CD8B2: variants seen among roughly 807,000 people sequenced by gnomAD.
The protein encoded by CD8B2 is T-cell surface glycoprotein CD8 beta-2 chain.
In CD8B2, 11 loss-of-function variants were observed where a neutral mutation model predicts 23.7. The observed-to-expected ratio is 0.46, with a 90% CI of 0.29 to 0.77. The LOEUF is 0.77. CD8B2 is among the 30% of genes least tolerant of loss of function. CD8B2 has a pLI of 0.09. For missense variants in CD8B2, 197 were observed against 270.5 expected (o/e 0.73, Z 1.91); for synonymous variants, 90 against 109.3 (o/e 0.82, Z 1.10).
intron 5 of CD8B2, among the ~76,000 whole-genome samples, chr2:106,525,852 AGATAT>A (rs1428745832): frequency 3.3e-5 from 5 of 152,254 alleles, no homozygotes; most frequent in African/African-American, 1.2e-4. Flanking sequence ...CAGGGAGATA[AGATAT>A]AAGAGTCCGC....
At chr2:106,543,218 G>A (rs1369011885) in intron 5 of CD8B2, 1 of 152,178 alleles carries the variant, frequency 6.6e-6, no homozygotes, top group East Asian at 1.9e-4. Context: ...GTGAGGCTTA[G>A]GTATTTTCAA....
At chr2:106,521,762 T>A (rs1182408704) in intron 5 of CD8B2, 1 of 152,226 alleles carries the variant, frequency 6.6e-6, no homozygotes, top group Non-Finnish European at 1.5e-5. Flanking sequence ...ACCCTCCCCA[T>A]GATGGGAATG....
chr2:106,506,186 C>T (rs1179634433), intron 5 of CD8B2, among the ~76,000 whole-genome samples: 2 of 151,974 alleles, frequency 1.3e-5, no homozygotes, highest in Non-Finnish European at 2.9e-5. Flanking sequence ...GATGACCTTT[C>T]ATGGAAAGTA....
At chr2:106,519,401 T>C (rs1679784006) in intron 5 of CD8B2, among the ~76,000 whole-genome samples, 1 of 152,218 alleles carries the variant, frequency 6.6e-6, no homozygotes, top group African/African-American at 2.4e-5. Context: ...TCTCAAACAT[T>C]GGCCAGTTAT....
At chr2:106,489,200 A>G (rs1679142750) in intron 1 of CD8B2, among the ~76,000 whole-genome samples, 1 of 149,686 alleles carries the variant, frequency 6.7e-6, no homozygotes, top group African/African-American at 2.5e-5. Flanking sequence ...ACAGGGTCTC[A>G]CTATGTTGCC....
chr2:106,508,375 G>A lies in CD8B2; in HGVS notation c.*1435G>A, dbSNP rs1259961062. Reference sequence around the variant, plus strand: ...GAAAGGAAAGACGACTCTGGGGAAGGGGCAGTGGGACCTTCTCCTGGCATC... The same window carrying A: ...GAAAGGAAAGACGACTCTGGGGAAGAGGCAGTGGGACCTTCTCCTGGCATC... On this transcript the variant is annotated 3_prime_UTR_variant, in exon 6 of 6. Transcript: ENST00000643224. The A allele has an allele frequency of 2.0e-5, 3 of 151,786 alleles. No homozygotes were observed. In the East Asian group the frequency reaches 5.8e-4, roughly 29 times the overall value. 9.4% of individuals were successfully genotyped at this position (151,786 alleles called of 1,614,324 possible). A position where few individuals can be genotyped will look rare whatever the true frequency, so the allele number is the denominator to read the frequency against.
At chr2:106,543,050 T>C (rs990733339) in intron 5 of CD8B2, 8 of 152,160 alleles carry the variant, frequency 5.3e-5, no homozygotes. Flanking sequence ...TTAGTCATGA[T>C]TGCCACTCGT....
At chr2:106,522,876 G>A (rs372106137) in intron 5 of CD8B2, among the ~76,000 whole-genome samples, 15 of 152,242 alleles carry the variant, frequency 9.9e-5, no homozygotes, top group East Asian at 1.9e-4. Flanking sequence ...CAATCATTCC[G>A]TCAGGGGCTC....
At chr2:106,519,062 T>TCATCCATC (rs142808385) in intron 5 of CD8B2, among the ~76,000 whole-genome samples, 94 of 152,010 alleles carry the variant, frequency 6.2e-4, no homozygotes, top group African/African-American at 2.1e-3. Context: ...CACTGCTCCA[T>TCATCCATC]CATCCATCCA....
chr2:106,488,481 T>G (rs1441834276), intron 1 of CD8B2, among the ~76,000 whole-genome samples: 2 of 151,908 alleles, frequency 1.3e-5, no homozygotes, highest in Non-Finnish European at 2.9e-5. Flanking sequence ...GGAGAGGAAA[T>G]GCACACTCAC....
intron 5 of CD8B2, among the ~76,000 whole-genome samples, chr2:106,522,890 G>A (rs992919339): frequency 2.0e-5 from 3 of 152,164 alleles, no homozygotes; most frequent in Admixed American, 6.5e-5. Flanking sequence ...GGGGCTCAGA[G>A]AATGTGCTCC....
At chr2:106,489,916 G>A (rs1172815924) in intron 1 of CD8B2, among the ~76,000 whole-genome samples, 3 of 152,124 alleles carry the variant, frequency 2.0e-5, no homozygotes, top group African/African-American at 4.8e-5. Context: ...GTTCTGGGCC[G>A]GGTCTGTGAG....
chr2:106,535,993 G>C (rs1164999668), intron 5 of CD8B2, among the ~76,000 whole-genome samples: 2 of 151,418 alleles, frequency 1.3e-5, no homozygotes, highest in East Asian at 3.9e-4. Context: ...TACATGGCCA[G>C]AGTAGCAAGA....
intron 5 of CD8B2, among the ~76,000 whole-genome samples, chr2:106,506,464 G>C (rs1008449194): frequency 2.0e-5 from 3 of 152,004 alleles, no homozygotes; most frequent in African/African-American, 7.3e-5. Context: ...GAACAAAAGG[G>C]TTTGTGGCTT....
At chr2:106,501,682 AAAAC>A (rs1044585114) in intron 3 of CD8B2, among the ~76,000 whole-genome samples, 3 of 152,180 alleles carry the variant, frequency 2.0e-5, no homozygotes, top group Non-Finnish European at 2.9e-5. Flanking sequence ...ACTCTGTATC[AAAAC>A]AAACAAACAA....
rs527569810 is a variant in CD8B2, at chr2:106,494,435, A to G, written c.404-1738A>G. ...AGTGCTGGGATTACAGGCGTGAGTC[A>G]CCGCGCCCAGCCTTAATATTTCTTT... On this transcript the variant is annotated intron_variant, in intron 2 of 5. Coordinates refer to ENST00000643224, the MANE Select transcript of CD8B2 (RefSeq NM_001349727.2). Among the ~76,000 whole-genome samples the G allele has an allele frequency of 4.0e-5, 6 of 150,680 alleles. No homozygotes were observed. The South Asian group carries it at 1.3e-3, about 32-fold the overall frequency.
chr2:106,518,147 G>T lies in CD8B2; in HGVS notation c.620+13822G>T, dbSNP rs1000649835. Among the ~76,000 whole-genome samples, 11 of 152,128 alleles carry T rather than the reference G, an allele frequency of 7.2e-5. No homozygotes were observed. The South Asian group carries it at 1.9e-3, about 26-fold the overall frequency. Reference sequence around the variant, plus strand: ...CTAGCATGGTGTCTTGTATGCAGTGGGTAGGTAGTAAACATTTATTTGAGC... The same window carrying T: ...CTAGCATGGTGTCTTGTATGCAGTGTGTAGGTAGTAAACATTTATTTGAGC... On this transcript the variant is annotated intron_variant, in intron 5 of 5. Coordinates refer to the CD8B2 transcript ENST00000416057.
intron 2 of CD8B2, among the ~76,000 whole-genome samples, chr2:106,493,343 G>A (rs13034949): frequency 6.6e-6 from 1 of 152,098 alleles, no homozygotes; most frequent in African/African-American, 2.4e-5. Flanking sequence ...TTAAACTGGG[G>A]GCTCAGGAGG....
downstream of CD8B2, among the ~76,000 whole-genome samples, chr2:106,511,960 T>A (rs995974307): frequency 4.6e-5 from 7 of 152,244 alleles, no homozygotes; most frequent in Non-Finnish European, 7.3e-5. Context: ...ACAGTACTGT[T>A]GGCTCTCCTG....
Sources: allele counts gnomAD v4.1 joint callset (sites outside exome capture counted in the v4.1 genomes callset), GRCh38; gene constraint gnomAD v4.1.1; transcripts MANE v1.5; gene names NCBI Gene and HGNC (gene_info 2026-07-23, HGNC 2026-07-21).